The following PRKAG1 variants were observed in gnomAD, a reference collection of about 807,000 sequenced individuals.
The protein encoded by PRKAG1 is protein kinase AMP-activated non-catalytic subunit gamma 1, also known as 5'-AMP-activated protein kinase subunit gamma-1.
Under a neutral mutation model 48.2 loss-of-function variants are expected in PRKAG1, and 27 were observed. The observed-to-expected ratio is 0.56, with a 90% CI of 0.41 to 0.77. The LOEUF is 0.77. PRKAG1 is among the 30% of genes least tolerant of loss of function. PRKAG1 has a pLI of 0.00. For synonymous variants in PRKAG1, 130 were observed against 147.7 expected (o/e 0.88, Z 0.87); for missense variants, 287 against 398.3 (o/e 0.72, Z 2.38).
chr12:49,008,808 T>C (rs1159691707), intron 2 of PRKAG1, among the ~76,000 whole-genome samples: 2 of 152,184 alleles, frequency 1.3e-5, no homozygotes, highest in Non-Finnish European at 2.9e-5. Flanking sequence ...ATTCTGACTT[T>C]TTGTATGTGA....
chr12:49,014,180 G>A (rs902245459), intron 1 of PRKAG1, among the ~76,000 whole-genome samples: 5 of 152,084 alleles, frequency 3.3e-5, no homozygotes, highest in Admixed American at 6.5e-5. Flanking sequence ...CACCACGCCC[G>A]GCCATTTTTA....
Position 49,003,160 on chromosome 12 carries a change from C to T in PRKAG1, c.872G>A (p.Arg291Lys). Residue 291 changes from arginine (R) to lysine (K), a missense_variant, in exon 11 of 12, where the codon AGG becomes AAG. Physicochemically the swap from Arg to Lys is conservative, Grantham distance 26. Transcript: ENST00000548065. ...LHETLETIIN[R>K]LVEAEVHRLV... ...CCTCCCTACCTCTGCTTCCACTAGCCTGTTGATGATGGTCTCCAGAGTCTC... is the reference window on the plus strand; with the variant it reads ...CCTCCCTACCTCTGCTTCCACTAGCTTGTTGATGATGGTCTCCAGAGTCTC... The T allele has an allele frequency of 1.2e-6, 2 of 1,614,186 alleles. No individual in the cohort carries two copies. The highest frequency in any genetic ancestry group is 1.7e-6 in the Non-Finnish European group (2 of 1,180,030).
chr12:49,007,398 C>A (rs1191647995), intron 2 of PRKAG1, among the ~76,000 whole-genome samples: 2 of 152,064 alleles, frequency 1.3e-5, no homozygotes. Flanking sequence ...CTCAAGGTCA[C>A]ACCATTAATA....
chr12:49,007,179 CAG>C (rs1425717550), intron 2 of PRKAG1, among the ~76,000 whole-genome samples: 3 of 150,922 alleles, frequency 2.0e-5, no homozygotes, highest in African/African-American at 7.3e-5. Flanking sequence ...CCCAGCTACT[CAG>C]GGGGCTGAGG....
chr12:49,013,218 A>G (rs995334595), intron 1 of PRKAG1, 108 bp from the exon 2 acceptor site: 9 of 994,046 alleles, frequency 9.1e-6, no homozygotes, highest in African/African-American at 1.7e-5. Context: ...TTAAAGCACT[A>G]TAAAGCCACT....
chr12:49,009,501 T>G (rs993329385), intron 2 of PRKAG1: 18 of 152,244 alleles, frequency 1.2e-4, no homozygotes, highest in African/African-American at 4.3e-4. Flanking sequence ...GTTTAAATTT[T>G]TGCTACTATA....
intron 1 of PRKAG1, 99 bp downstream of exon 1, chr12:49,018,633 C>T (rs191152062): frequency 0.014 from 21,778 of 1,597,208 alleles, 203 homozygotes; most frequent in Non-Finnish European, 0.016. Context: ...GTTTGCTAGA[C>T]ACCAGCGCCA....
chr12:49,005,679 G>A lies in PRKAG1; in HGVS notation c.168+64C>T, dbSNP rs1280194052. On this transcript the variant is annotated intron_variant, in intron 3 of 11. Coordinates refer to ENST00000548065, the MANE Select transcript of PRKAG1 (RefSeq NM_002733.5). This position sits in a 1 kb window ranked among gnomAD's most constrained non-coding sequence, Gnocchi z 4.1. ...GATAAGGATATTACCCTTAGGATGA[G>A]ATAGGATGAGAGGTATTAAACCACA... The A allele has an allele frequency of 1.6e-5, 26 of 1,607,430 alleles. 1 individual carries two copies. In the South Asian group the frequency reaches 2.8e-4, roughly 17 times the overall value.
chr12:49,017,675 T>C (rs1305429138), intron 1 of PRKAG1: 1 of 153,634 alleles, frequency 6.5e-6, no homozygotes, highest in African/African-American at 2.4e-5. Context: ...GGAATTAGAC[T>C]CCTTATTTTT....
At chr12:49,008,680 T>A (rs1941642097) in intron 2 of PRKAG1, 1 of 152,218 alleles carries the variant, frequency 6.6e-6, no homozygotes, top group Non-Finnish European at 1.5e-5. Flanking sequence ...CATCCTTGGA[T>A]TTATAATTCG....
chr12:49,017,324 C>T, intron 1 of PRKAG1: 1 of 411,132 alleles, frequency 2.4e-6, no homozygotes, highest in Admixed American at 2.9e-5. Context: ...CCTGAGCCTC[C>T]CGAGTAGCTG....
intron 2 of PRKAG1, among the ~76,000 whole-genome samples, chr12:49,006,906 T>C (rs993396151): frequency 1.3e-5 from 2 of 148,462 alleles, no homozygotes; most frequent in African/African-American, 5.0e-5. Flanking sequence ...GAGGCAGAGG[T>C]TGCGATGAGC....
Position 49,005,948 on chromosome 12 carries a change from T to G in PRKAG1, c.59-96A>C, listed in dbSNP as rs1361879694. 6 of 890,746 alleles carry G rather than the reference T, an allele frequency of 6.7e-6. No individual in the cohort carries two copies. The highest frequency in any genetic ancestry group is 1.0e-5 in the Non-Finnish European group (6 of 578,668). 55.2% of individuals were successfully genotyped at this position (890,746 alleles called of 1,614,324 possible). On this transcript the variant is annotated intron_variant, in intron 2 of 11. Coordinates refer to ENST00000548065, the MANE Select transcript of PRKAG1 (RefSeq NM_002733.5). The surrounding 1 kb of genome is among the most constrained non-coding windows in gnomAD (Gnocchi z 4.1). The stretch of plus-strand genomic sequence containing the variant: ...AATAGTGTTCTAGTATCTCAAATAT[T>G]TAGAGCATTATTTTTTAATAAGACC...
intron 2 of PRKAG1, among the ~76,000 whole-genome samples, chr12:49,006,981 T>A (rs927302554): frequency 2.9e-5 from 4 of 138,952 alleles, no homozygotes; most frequent in South Asian, 2.3e-4. Flanking sequence ...AAAAAATAAA[T>A]AAATAAATAA....
In PRKAG1 at chr12:49,010,362, A is replaced by G. The variant is rs577484189; in HGVS notation, c.58+2700T>C. ...ATATATTTTAGGACTTCCCTTCAAG[A>G]GGATTCTGGAGAGAAGGATTATTCA... On this transcript the variant is annotated intron_variant, in intron 2 of 11. Coordinates refer to ENST00000548065, the MANE Select transcript of PRKAG1 (RefSeq NM_002733.5). 2.6e-5 allele frequency among the ~76,000 whole-genome samples: 4 copies of G among 152,312 alleles called. No homozygotes were observed. In the East Asian group the frequency reaches 7.7e-4, roughly 29 times the overall value.
intron 2 of PRKAG1, among the ~76,000 whole-genome samples, chr12:49,007,342 T>C (rs747383961): frequency 2.2e-4 from 34 of 151,736 alleles, no homozygotes; most frequent in African/African-American, 7.7e-4. Flanking sequence ...GTGTAAGTAA[T>C]GTCCTCATGT....
intron 11 of PRKAG1, 64 bp from the exon 12 acceptor site, chr12:49,003,070 C>A (rs1016684393): frequency 3.1e-6 from 5 of 1,612,824 alleles, no homozygotes; most frequent in Non-Finnish European, 4.2e-6. Context: ...AGCCCCTCTG[C>A]CCCTACTCTC....
At chr12:49,012,425 T>C (rs2137675618) in intron 2 of PRKAG1, among the ~76,000 whole-genome samples, 1 of 151,984 alleles carries the variant, frequency 6.6e-6, no homozygotes, top group East Asian at 1.9e-4. Flanking sequence ...TTGCCCAGGC[T>C]GGAGTGCAAT....
At chr12:49,004,387 T>C in intron 8 of PRKAG1, 120 bp downstream of exon 8, 1 of 1,350,550 alleles carries the variant, frequency 7.4e-7, no homozygotes, top group Admixed American at 2.0e-5. Flanking sequence ...GAGGATCACT[T>C]GAGCTCAGGA....
Sources: allele counts gnomAD v4.1 joint callset (sites outside exome capture counted in the v4.1 genomes callset), GRCh38; gene constraint gnomAD v4.1.1; non-coding constraint Gnocchi (gnomAD v3.1); transcripts MANE v1.5; gene names NCBI Gene and HGNC (gene_info 2026-07-23, HGNC 2026-07-21).